The following PTPRR variants were observed in gnomAD, a reference collection of about 807,000 sequenced individuals.
PTPRR encodes the protein receptor-type tyrosine-protein phosphatase R.
In PTPRR, 38 loss-of-function variants were observed where a neutral mutation model predicts 77.2. That is an observed-to-expected ratio of 0.49 (90% CI 0.38 to 0.65). PTPRR has a LOEUF of 0.65. Among genes scored for constraint, PTPRR ranks in the 30% least tolerant of loss-of-function variants. The probability of loss-of-function intolerance (pLI) is 0.00; values close to 1 mark genes in which losing one functional copy is unlikely to be tolerated. For synonymous variants in PTPRR, 299 were observed against 283.1 expected, an observed-to-expected ratio of 1.06 and a Z score of -0.57; for missense variants, 744 against 799.2, an observed-to-expected ratio of 0.93 and a Z score of 0.83.
intron 2 of PTPRR, among the ~76,000 whole-genome samples, chr12:70,833,710 C>CA (rs1388794999): frequency 1.3e-5 from 2 of 152,168 alleles, no homozygotes; most frequent in African/African-American, 4.8e-5. Context: ...TCGAAGCTGA[C>CA]AAGCGGGAAG....
At chr12:70,902,044 GCCAA>G (rs373385668) in intron 1 of PTPRR, among the ~76,000 whole-genome samples, 4,370 of 151,846 alleles carry the variant, frequency 0.029, 207 homozygotes, top group African/African-American at 0.099. Context: ...TATACAAATG[GCCAA>G]CCAACATATG....
At chr12:70,917,158 T>G (rs1242444897) in intron 1 of PTPRR, among the ~76,000 whole-genome samples, 1 of 152,228 alleles carries the variant, frequency 6.6e-6, no homozygotes, top group Non-Finnish European at 1.5e-5. Flanking sequence ...TTTTTACCAT[T>G]CGTATTATTG....
At chr12:70,844,135 G>T (rs987313301) in intron 2 of PTPRR, among the ~76,000 whole-genome samples, 29 of 152,026 alleles carry the variant, frequency 1.9e-4, no homozygotes, top group African/African-American at 7.0e-4. Context: ...TATCGAATTA[G>T]ATTTAGGTAA....
intron 6 of PTPRR, among the ~76,000 whole-genome samples, chr12:70,731,476 A>G (rs1394200624): frequency 6.6e-6 from 1 of 152,218 alleles, no homozygotes; most frequent in Non-Finnish European, 1.5e-5. Flanking sequence ...ACTCAATTGT[A>G]GGATATTTTC....
At chr12:70,809,775 T>C (rs1891777028) in intron 2 of PTPRR, among the ~76,000 whole-genome samples, 1 of 152,200 alleles carries the variant, frequency 6.6e-6, no homozygotes, top group African/African-American at 2.4e-5. Flanking sequence ...CATCTATCAA[T>C]ACGAACAATT....
intron 8 of PTPRR, among the ~76,000 whole-genome samples, chr12:70,690,335 G>A (rs1888012654): frequency 6.6e-6 from 1 of 152,158 alleles, no homozygotes; most frequent in Admixed American, 6.5e-5. Context: ...AATCAGTTCT[G>A]CCTAGGGAGG....
intron 6 of PTPRR, among the ~76,000 whole-genome samples, chr12:70,718,647 T>G (rs2136837433): frequency 6.6e-6 from 1 of 152,302 alleles, no homozygotes; most frequent in East Asian, 1.9e-4. Flanking sequence ...TTTTAAAGAG[T>G]TAGATGTTAC....
At chr12:70,919,961 G>C (rs1009911538) in intron 1 of PTPRR, among the ~76,000 whole-genome samples, 7 of 151,958 alleles carry the variant, frequency 4.6e-5, no homozygotes, top group African/African-American at 1.7e-4. Flanking sequence ...CGCTGCAGTA[G>C]AAAAGGTTAC....
chr12:70,824,957 G>A (rs900576726), intron 2 of PTPRR, among the ~76,000 whole-genome samples: 46 of 152,252 alleles, frequency 3.0e-4, no homozygotes, highest in African/African-American at 1.0e-3. Context: ...AGGCAATATC[G>A]TTGCTCCATG....
chr12:70,694,420 G>A (rs1274303099), intron 8 of PTPRR, among the ~76,000 whole-genome samples: 6 of 151,992 alleles, frequency 3.9e-5, no homozygotes, highest in African/African-American at 7.3e-5. Flanking sequence ...CATCAACAGT[G>A]GATTGGATAA....
intron 12 of PTPRR, among the ~76,000 whole-genome samples, chr12:70,657,619 C>T (rs188289149): frequency 3.7e-4 from 57 of 152,286 alleles, no homozygotes; most frequent in Non-Finnish European, 7.4e-4. Context: ...GATTGTCATT[C>T]CATCTCCTCC....
At chr12:70,737,195 T>A (rs78254841) in intron 6 of PTPRR, among the ~76,000 whole-genome samples, 4,307 of 152,182 alleles carry the variant, frequency 0.028, 224 homozygotes, top group African/African-American at 0.099. Flanking sequence ...GAGACAACTG[T>A]CCATGAGGGG....
intron 1 of PTPRR, among the ~76,000 whole-genome samples, chr12:70,897,607 G>A (rs1893453776): frequency 1.3e-5 from 2 of 151,884 alleles, no homozygotes; most frequent in Non-Finnish European, 2.9e-5. Context: ...CGATTCCTCA[G>A]GGATCTAGAA....
chr12:70,800,268 C>T (rs1158432), intron 2 of PTPRR, among the ~76,000 whole-genome samples: 137,921 of 148,266 alleles, frequency 0.93, 64,257 homozygotes, highest in Middle Eastern at 0.97. Flanking sequence ...TGTTCTCTCT[C>T]TTTTTTTTTT....
chr12:70,729,047 C>T (rs1889557978), intron 6 of PTPRR, among the ~76,000 whole-genome samples: 1 of 152,098 alleles, frequency 6.6e-6, no homozygotes, highest in Non-Finnish European at 1.5e-5. Context: ...TCTGCAACAG[C>T]TGTAGAGTTA....
At chr12:70,814,075 C>T (rs1242203549) in intron 2 of PTPRR, among the ~76,000 whole-genome samples, 3 of 152,182 alleles carry the variant, frequency 2.0e-5, no homozygotes, top group Non-Finnish European at 4.4e-5. Context: ...AACCGTAGAT[C>T]AGTGTCCATA....
chr12:70,723,711 GT>G (rs1234640734), intron 6 of PTPRR, among the ~76,000 whole-genome samples: 1 of 151,578 alleles, frequency 6.6e-6, no homozygotes, highest in Non-Finnish European at 1.5e-5. Context: ...TTACCTTTTT[GT>G]TTTTTTTAAA....
chr12:70,811,405 T>C lies in PTPRR; in HGVS notation c.358-46627A>G, dbSNP rs993588332. On this transcript the variant is annotated intron_variant, in intron 2 of 13. Coordinates refer to ENST00000283228, the MANE Select transcript of PTPRR (RefSeq NM_002849.4). ...GTCTGGCTGGTTAAATAGGTGAAAGTATGCATTTTTAAGAATGCTTTGGCG... is the reference window on the plus strand; with the variant it reads ...GTCTGGCTGGTTAAATAGGTGAAAGCATGCATTTTTAAGAATGCTTTGGCG... Among the ~76,000 whole-genome samples the C allele has an allele frequency of 1.3e-5, 2 of 152,302 alleles. 1 individual carries two copies. The highest frequency in any genetic ancestry group is 4.1e-4 in the South Asian group (2 of 4,826).
At chr12:70,731,408 C>T (rs1392419460) in intron 6 of PTPRR, among the ~76,000 whole-genome samples, 2 of 152,172 alleles carry the variant, frequency 1.3e-5, no homozygotes, top group Non-Finnish European at 2.9e-5. Flanking sequence ...AACTTGCAAT[C>T]GCCTTGTCTG....
Sources: gnomAD v4.1 joint callset for allele counts (sites outside exome capture counted in the v4.1 genomes callset) on GRCh38, gnomAD v4.1.1 for gene constraint, MANE v1.5 for transcripts, NCBI Gene and HGNC (gene_info 2026-07-23, HGNC 2026-07-21) for gene names.